The following CACNG4 variants were observed in gnomAD, a reference collection of about 807,000 sequenced individuals.
CACNG4 encodes calcium voltage-gated channel auxiliary subunit gamma 4.
A neutral mutation model predicts 22.9 loss-of-function variants in CACNG4; 8 were observed. The ratio of observed to expected loss-of-function variants is 0.35; its 90% CI spans 0.21 to 0.63. The LOEUF is 0.63. Ranked by LOEUF, CACNG4 falls within the 30% of genes least tolerant of loss-of-function variation. The pLI is 0.72. For synonymous variants in CACNG4, 188 were observed against 191.9 expected (o/e 0.98, Z 0.17); for missense variants, 357 against 455.4 (o/e 0.78, Z 1.97).
At chr17:66,966,438 C>T (rs537193114) in intron 1 of CACNG4, among the ~76,000 whole-genome samples, 42 of 152,272 alleles carry the variant, frequency 2.8e-4, no homozygotes, top group Admixed American at 1.7e-3. Context: ...CACACCTAGC[C>T]TTCCTTACTG....
chr17:67,031,960 A>G lies in CACNG4; in HGVS notation c.*956A>G. 2 of 456,730 alleles carry G rather than the reference A, an allele frequency of 4.4e-6. No homozygotes were observed. The highest frequency in any genetic ancestry group is 8.8e-6 in the Non-Finnish European group (2 of 226,984). 28.3% of individuals were successfully genotyped at this position (456,730 alleles called of 1,614,324 possible). ...ACTTCTGTGCAAGAAAGGGAGACCT[A>G]AGGGTGAACAGTGGCCAATAAAAAC... On this transcript the variant is annotated 3_prime_UTR_variant, in exon 4 of 4. Coordinates refer to ENST00000262138, the MANE Select transcript of CACNG4 (RefSeq NM_014405.4). The surrounding 1 kb of genome is among the most constrained non-coding windows in gnomAD (Gnocchi z 4.0).
At chr17:67,013,200 G>C (rs1343667499) in intron 1 of CACNG4, among the ~76,000 whole-genome samples, 1 of 152,070 alleles carries the variant, frequency 6.6e-6, no homozygotes, top group Non-Finnish European at 1.5e-5. Context: ...GGAGGTCATG[G>C]AAGGAGAGGC....
intron 1 of CACNG4, among the ~76,000 whole-genome samples, chr17:67,005,413 C>T (rs945833430): frequency 3.3e-5 from 5 of 152,190 alleles, no homozygotes; most frequent in South Asian, 2.1e-4. Context: ...GCAAGGCAGA[C>T]GGCCCACTCC....
At chr17:66,981,050 C>T (rs1039562750) in intron 1 of CACNG4, among the ~76,000 whole-genome samples, 1 of 151,978 alleles carries the variant, frequency 6.6e-6, no homozygotes, top group Admixed American at 6.5e-5. Flanking sequence ...GTGACTCGTG[C>T]GACCCTGAAA....
chr17:66,982,174 G>C (rs572720181), intron 1 of CACNG4, among the ~76,000 whole-genome samples: 5 of 152,226 alleles, frequency 3.3e-5, no homozygotes, highest in Non-Finnish European at 5.9e-5. Flanking sequence ...CCACGAGTGG[G>C]AGGAGACCCA....
intron 1 of CACNG4, among the ~76,000 whole-genome samples, chr17:66,991,361 C>T (rs1434143454): frequency 6.6e-6 from 1 of 152,178 alleles, no homozygotes; most frequent in African/African-American, 2.4e-5. Context: ...TCCGAAAGAC[C>T]TCTCCTTCCT....
chr17:66,999,191 G>C (rs2035392393), intron 1 of CACNG4, among the ~76,000 whole-genome samples: 1 of 152,170 alleles, frequency 6.6e-6, no homozygotes, highest in Non-Finnish European at 1.5e-5. Flanking sequence ...AGTGAGGACT[G>C]AATGAGTTAG....
At position 67,027,189 on chromosome 17, in the gene CACNG4, G is replaced by A. The variant is rs1271058826; in HGVS notation, c.445+2189G>A. On this transcript the variant is annotated intron_variant, in intron 3 of 3. Coordinates refer to ENST00000262138, the MANE Select transcript of CACNG4 (RefSeq NM_014405.4). The surrounding 1 kb of genome is among the most constrained non-coding windows in gnomAD (Gnocchi z 4.3). ...ACACGCACAGTGGCAAAGACATGCTGTGCCCAGGGCTGCCAGCCTCCAAAG... is the reference window on the plus strand; with the variant it reads ...ACACGCACAGTGGCAAAGACATGCTATGCCCAGGGCTGCCAGCCTCCAAAG... Among the ~76,000 whole-genome samples, 1 of 152,194 alleles carries A rather than the reference G, an allele frequency of 6.6e-6. No individual in the cohort carries two copies. Among genetic ancestry groups the A allele is most frequent in the African/African-American group, 2.4e-5 (1 of 41,456 alleles).
chr17:67,024,823 C>T lies in CACNG4; in HGVS notation c.305-37C>T, dbSNP rs375806447. The T allele has an allele frequency of 2.7e-6, 4 of 1,481,328 alleles. No individual in the cohort carries two copies. In the African/African-American group the frequency reaches 4.3e-5, roughly 16 times the overall value. The allele number at this position is 1,481,328 out of a possible 1,614,324, so 91.8% of individuals were successfully genotyped here. A position where few individuals can be genotyped will look rare whatever the true frequency, so the allele number is the denominator to read the frequency against. The stretch of plus-strand genomic sequence containing the variant: ...ATGCCCGGGAGGGCACCTGATCTCA[C>T]TGCCCTCTGCTTTGTGCCCCCCACC... On this transcript the variant is annotated intron_variant, in intron 2 of 3. Coordinates refer to ENST00000262138, the MANE Select transcript of CACNG4 (RefSeq NM_014405.4).
chr17:66,983,215 G>A (rs969728367), intron 1 of CACNG4, among the ~76,000 whole-genome samples: 1 of 152,158 alleles, frequency 6.6e-6, no homozygotes, highest in Non-Finnish European at 1.5e-5. Flanking sequence ...CTCCCCTTGT[G>A]GGAGACTCAC....
rs146840769 is a variant in CACNG4 at position 66,980,909 on chromosome 17, G to A, written c.220+15778G>A. ...CCTGGGATTACAGGCGTGAGCCACC[G>A]CACCCGGCCTTGTTAGAAACATCTT... On this transcript the variant is annotated intron_variant, in intron 1 of 3. Transcript: ENST00000262138. 7.9e-5 allele frequency among the ~76,000 whole-genome samples: 12 copies of A among 152,144 alleles called. No individual in the cohort carries two copies. The East Asian group carries it at 1.9e-3, about 24-fold the overall frequency.
At chr17:66,973,471 C>T (rs751765025) in intron 1 of CACNG4, among the ~76,000 whole-genome samples, 1 of 152,218 alleles carries the variant, frequency 6.6e-6, no homozygotes, top group South Asian at 2.1e-4. Flanking sequence ...GAGTGACTTA[C>T]GCAAGGTGGC....
intron 1 of CACNG4, among the ~76,000 whole-genome samples, chr17:66,990,290 G>A (rs978300390): frequency 3.9e-5 from 6 of 152,204 alleles, no homozygotes; most frequent in Non-Finnish European, 8.8e-5. Flanking sequence ...TCCTTGCCAC[G>A]TGGCCCCCTT....
chr17:66,980,746 G>C (rs991137390), intron 1 of CACNG4, among the ~76,000 whole-genome samples: 11 of 149,216 alleles, frequency 7.4e-5, no homozygotes, highest in Non-Finnish European at 1.5e-4. Context: ...AGCCTCCTGA[G>C]TAGCTGGAAT....
In CACNG4 at chr17:66,984,606, A is replaced by G. The variant is rs2035294709; in HGVS notation, c.220+19475A>G. Reference sequence around the variant, plus strand: ...TTTTTGCACCCAGCCTCTTGGGAACAGGGTTTGACCTTCTGGAGGAGAAAG... The same window carrying G: ...TTTTTGCACCCAGCCTCTTGGGAACGGGGTTTGACCTTCTGGAGGAGAAAG... On this transcript the variant is annotated intron_variant, in intron 1 of 3. Transcript: ENST00000262138. This position sits in a 1 kb window ranked among gnomAD's most constrained non-coding sequence, Gnocchi z 4.0. Among the ~76,000 whole-genome samples, 1 of 152,174 alleles carries G rather than the reference A, an allele frequency of 6.6e-6. No individual in the cohort carries two copies. The highest frequency in any genetic ancestry group is 2.1e-4 in the South Asian group (1 of 4,834).
At chr17:67,025,933 T>G (rs2035562057) in intron 3 of CACNG4, among the ~76,000 whole-genome samples, 1 of 152,242 alleles carries the variant, frequency 6.6e-6, no homozygotes, top group Non-Finnish European at 1.5e-5. Context: ...AGCATCTGTT[T>G]CCTTCCAGCG....
intron 1 of CACNG4, among the ~76,000 whole-genome samples, chr17:66,991,198 G>A (rs1203276613): frequency 1.3e-5 from 2 of 152,008 alleles, no homozygotes; most frequent in Non-Finnish European, 2.9e-5. Flanking sequence ...GCCTCCCTGG[G>A]CTCCAGCTTG....
At chr17:66,980,234 G>A (rs76533096) in intron 1 of CACNG4, among the ~76,000 whole-genome samples, 1 of 152,100 alleles carries the variant, frequency 6.6e-6, no homozygotes, top group Non-Finnish European at 1.5e-5. Flanking sequence ...TTTCCACATT[G>A]GGCTTCCATC....
chr17:67,020,867 C>T (rs1463572371), intron 2 of CACNG4, among the ~76,000 whole-genome samples: 1 of 152,138 alleles, frequency 6.6e-6, no homozygotes, highest in Admixed American at 6.6e-5. Flanking sequence ...CTGATATTTG[C>T]AAGAAGTGAG....
Sources: allele counts gnomAD v4.1 joint callset (sites outside exome capture counted in the v4.1 genomes callset), GRCh38; gene constraint gnomAD v4.1.1; non-coding constraint Gnocchi (gnomAD v3.1); transcripts MANE v1.5; gene names NCBI Gene and HGNC (gene_info 2026-07-23, HGNC 2026-07-21).